POT1: variants seen among roughly 807,000 people sequenced by gnomAD.
The protein encoded by POT1 is protection of telomeres protein 1.
A neutral mutation model predicts 78.5 loss-of-function variants in POT1; 47 were observed. The observed-to-expected ratio is 0.60, with a 90% CI of 0.47 to 0.76. The LOEUF is 0.76. Ranked by LOEUF, POT1 falls within the 30% of genes least tolerant of loss-of-function variation. The pLI, the probability that POT1 is intolerant of heterozygous loss-of-function variation, is 0.00. For missense variants in POT1, 646 were observed against 749.9 expected (o/e 0.86, Z 1.62); for synonymous variants, 259 against 260.7 (o/e 0.99, Z 0.06).
chr7:124,847,257 GA>G (rs1795194397), intron 11 of POT1, among the ~76,000 whole-genome samples: 3 of 151,726 alleles, frequency 2.0e-5, no homozygotes, highest in Non-Finnish European at 4.4e-5. Flanking sequence ...CACTTCGGAG[GA>G]CTGAGGTGGG....
At chr7:124,869,685 C>T (rs1225707077) in intron 7 of POT1, among the ~76,000 whole-genome samples, 8 of 152,098 alleles carry the variant, frequency 5.3e-5, no homozygotes, top group East Asian at 1.9e-4. Context: ...CGGGTTCAAG[C>T]GATTCTCCTG....
intron 12 of POT1, among the ~76,000 whole-genome samples, chr7:124,844,465 G>A (rs1437905081): frequency 2.7e-5 from 4 of 148,002 alleles, no homozygotes; most frequent in Admixed American, 6.7e-5. Flanking sequence ...CACCGGGCGC[G>A]GTGGCTCACG....
At chr7:124,916,189 T>C (rs993244035) in intron 2 of POT1, among the ~76,000 whole-genome samples, 1 of 152,122 alleles carries the variant, frequency 6.6e-6, no homozygotes, top group African/African-American at 2.4e-5. Context: ...TTTTTGTAAA[T>C]AAAATTTAAA....
At position 124,823,609 on chromosome 7, in the gene POT1, A is replaced by AAATTAAAC. The variant is rs1257540983; in HGVS notation, c.*352_*353insGTTTAATT. The AAATTAAAC allele has an allele frequency of 5.5e-6, 1 of 183,022 alleles. No homozygotes were observed. Among genetic ancestry groups the AAATTAAAC allele is most frequent in the Non-Finnish European group, 1.1e-5 (1 of 89,282 alleles). The allele number at this position is 183,022 out of a possible 1,614,324, so 11.3% of individuals were successfully genotyped here. On this transcript the variant is annotated 3_prime_UTR_variant, in exon 19 of 19. Transcript: ENST00000357628. ...GAAACAAGCAATAAAACCATGTATT[A>AAATTAAAC]CAAGTTTAAAGAAATGAATTTATCC...
chr7:124,833,976 T>A (rs1468624463), intron 15 of POT1, among the ~76,000 whole-genome samples: 1 of 152,184 alleles, frequency 6.6e-6, no homozygotes, highest in East Asian at 1.9e-4. Context: ...AACCATCTGA[T>A]CTTTGACAAA....
At position 124,822,391 on chromosome 7, in the gene POT1, A is replaced by G. The variant is rs1406594461; in HGVS notation, c.*1571T>C. 1 of 305,316 alleles carries G rather than the reference A, an allele frequency of 3.3e-6. No individual in the cohort carries two copies. Among genetic ancestry groups the G allele is most frequent in the African/African-American group, 2.1e-5 (1 of 46,566 alleles). 18.9% of individuals were successfully genotyped at this position (305,316 alleles called of 1,614,324 possible). A position where few individuals can be genotyped will look rare whatever the true frequency, so the allele number is the denominator to read the frequency against. On this transcript the variant is annotated 3_prime_UTR_variant, in exon 19 of 19. Coordinates refer to ENST00000357628, the MANE Select transcript of POT1 (RefSeq NM_015450.3). ...CCACAATAAACCAAAAGAAATCATG[A>G]TAAGGTGGATGTTTATTTAAAACAA... is the stretch of plus-strand genomic sequence containing the variant.
chr7:124,909,091 G>C (rs1212274011), intron 3 of POT1, among the ~76,000 whole-genome samples: 1 of 151,758 alleles, frequency 6.6e-6, no homozygotes, highest in East Asian at 1.9e-4. Flanking sequence ...CAGGGATACA[G>C]GGAGAAAAAA....
At chr7:124,872,605 T>C (rs1163457342) in intron 6 of POT1, among the ~76,000 whole-genome samples, 4 of 152,134 alleles carry the variant, frequency 2.6e-5, no homozygotes, top group Non-Finnish European at 5.9e-5. Context: ...AAGTGATAAG[T>C]GCTTAAACTT....
intron 15 of POT1, among the ~76,000 whole-genome samples, chr7:124,830,915 G>C (rs1438389534): frequency 6.6e-6 from 1 of 152,114 alleles, no homozygotes; most frequent in Non-Finnish European, 1.5e-5. Context: ...AACACGGAAA[G>C]AAACCTTACA....
intron 15 of POT1, among the ~76,000 whole-genome samples, chr7:124,830,256 C>G (rs995293719): frequency 6.6e-6 from 1 of 152,006 alleles, no homozygotes; most frequent in Non-Finnish European, 1.5e-5. Flanking sequence ...CATATTTTAA[C>G]TATGAGTAAT....
At chr7:124,826,810 A>G (rs922957808) in intron 17 of POT1, among the ~76,000 whole-genome samples, 1 of 152,240 alleles carries the variant, frequency 6.6e-6, no homozygotes, top group Non-Finnish European at 1.5e-5. Context: ...CGGAGGTTGC[A>G]GTGAGCTGAG....
At chr7:124,893,861 T>C (rs1468802008) in intron 5 of POT1, among the ~76,000 whole-genome samples, 2 of 151,590 alleles carry the variant, frequency 1.3e-5, no homozygotes, top group Non-Finnish European at 3.0e-5. Flanking sequence ...GCTCAGCTCG[T>C]GTCTCCTTAG....
intron 18 of POT1, 124 bp from the exon 19 acceptor site, chr7:124,824,198 T>A: frequency 1.7e-6 from 1 of 581,714 alleles, no homozygotes; most frequent in South Asian, 2.3e-5. Context: ...GAAAAGTAAG[T>A]AAACGTCCCT....
intron 2 of POT1, among the ~76,000 whole-genome samples, chr7:124,916,667 T>C (rs904448080): frequency 1.3e-5 from 2 of 152,192 alleles, no homozygotes; most frequent in African/African-American, 4.8e-5. Flanking sequence ...AAAATTTTTA[T>C]AGCAACTTGC....
chr7:124,923,649 C>A (rs981688476), intron 2 of POT1, among the ~76,000 whole-genome samples: 1 of 151,398 alleles, frequency 6.6e-6, no homozygotes, highest in Non-Finnish European at 1.5e-5. Context: ...CTAGCAAGAG[C>A]ATCAGACATC....
At chr7:124,882,209 T>C (rs572494722) in intron 6 of POT1, among the ~76,000 whole-genome samples, 2 of 152,126 alleles carry the variant, frequency 1.3e-5, no homozygotes, top group East Asian at 3.9e-4. Context: ...TCCATGAAAG[T>C]TGCTTCATCT....
intron 3 of POT1, among the ~76,000 whole-genome samples, chr7:124,906,956 T>C (rs1372718251): frequency 6.6e-6 from 1 of 152,072 alleles, no homozygotes; most frequent in Non-Finnish European, 1.5e-5. Flanking sequence ...ATATGGGGTG[T>C]TCTAAGCTTC....
chr7:124,844,730 C>T (rs1795122867), intron 12 of POT1, among the ~76,000 whole-genome samples: 1 of 70,522 alleles, frequency 1.4e-5, no homozygotes, highest in Non-Finnish European at 2.7e-5. Flanking sequence ...GAGACTCCGC[C>T]TCAAAAAAAA....
At chr7:124,829,788 C>T (rs184651664) in intron 15 of POT1, among the ~76,000 whole-genome samples, 45 of 152,106 alleles carry the variant, frequency 3.0e-4, no homozygotes, top group Admixed American at 2.3e-3. Flanking sequence ...TCACCTCTGC[C>T]TCCTGGGCTC....
Sources: allele counts gnomAD v4.1 joint callset (sites outside exome capture counted in the v4.1 genomes callset), GRCh38; gene constraint gnomAD v4.1.1; transcripts MANE v1.5; gene names NCBI Gene and HGNC (gene_info 2026-07-23, HGNC 2026-07-21).